Variants in KIF24 observed in about 807,000 individuals in gnomAD.
KIF24 encodes the protein kinesin-like protein KIF24.
A neutral mutation model predicts 118.9 loss-of-function variants in KIF24; 81 were observed. That is an observed-to-expected ratio of 0.68 (90% CI 0.57 to 0.82). The LOEUF is 0.82. Ranked by LOEUF, KIF24 falls within the 40% of genes least tolerant of loss-of-function variation. The pLI, the probability that KIF24 is intolerant of heterozygous loss-of-function variation, is 0.00. For missense variants in KIF24, 1,560 were observed against 1,661.6 expected, an observed-to-expected ratio of 0.94 and a Z score of 1.06; for synonymous variants, 599 against 610.0, an observed-to-expected ratio of 0.98 and a Z score of 0.27.
At chr9:34,279,138 GAAAC>G (rs1835757971) in intron 6 of KIF24, among the ~76,000 whole-genome samples, 2 of 152,204 alleles carry the variant, frequency 1.3e-5, no homozygotes, top group South Asian at 4.2e-4. Flanking sequence ...GTGGTGCTGG[GAAAC>G]ATCATTCAGG....
chr9:34,256,928 C>T lies in KIF24; in HGVS notation c.2679G>A (p.Val893=), dbSNP rs1834870297. The T allele has an allele frequency of 8.1e-6, 13 of 1,613,970 alleles. No individual in the cohort carries two copies. The highest frequency in any genetic ancestry group is 1.3e-5 in the African/African-American group (1 of 75,038). ...TGTGGTTTATGGGGTCCCTGGAGTC[C>T]ACCCAGCTTTTAGTTAGATCTTTCT... ...GDKKDLTKSW[V]DSRDPINHRR... The change falls in exon 11 of 13, where the codon GTG becomes GTA. Residue 893 remains valine, a synonymous_variant. Coordinates refer to ENST00000402558, the MANE Select transcript of KIF24 (RefSeq NM_194313.4).
rs1452250689 is a variant in KIF24, at chr9:34,316,806, T to G, written c.-25-5435A>C. 2.0e-5 allele frequency among the ~76,000 whole-genome samples: 3 copies of G among 152,320 alleles called. No homozygotes were observed. The East Asian group carries it at 5.8e-4, about 29-fold the overall frequency. On this transcript the variant is annotated intron_variant, in intron 1 of 12. Coordinates refer to ENST00000402558, the MANE Select transcript of KIF24 (RefSeq NM_194313.4). ...GTGCTTACTGGCTGGGCGCGGTGGC[T>G]CATGCCTGTAATCCCAGCACTTTGG...
At chr9:34,321,014 T>C (rs182568298) in intron 1 of KIF24, among the ~76,000 whole-genome samples, 222 of 152,276 alleles carry the variant, frequency 1.5e-3, no homozygotes, top group Middle Eastern at 6.8e-3. Context: ...TTCTTAGAAA[T>C]AGATTAACAT....
At chr9:34,330,910 G>A (rs1587986093), upstream of KIF24, among the ~76,000 whole-genome samples, 3 of 152,082 alleles carry the variant, frequency 2.0e-5, no homozygotes, top group African/African-American at 7.2e-5. Flanking sequence ...GCAGAGAGCA[G>A]AGATCGCACC....
chr9:34,326,245 G>C (rs1261632549), intron 1 of KIF24, among the ~76,000 whole-genome samples: 1 of 152,064 alleles, frequency 6.6e-6, no homozygotes, highest in Non-Finnish European at 1.5e-5. Flanking sequence ...CCAGCTACTT[G>C]GGGGGCTGAG....
At chr9:34,267,501 C>T (rs1193097486) in intron 8 of KIF24, among the ~76,000 whole-genome samples, 1 of 151,656 alleles carries the variant, frequency 6.6e-6, no homozygotes. Flanking sequence ...CAGGACTGTC[C>T]CAACAGAAAT....
At chr9:34,278,986 T>G (rs7869238) in intron 6 of KIF24, among the ~76,000 whole-genome samples, 3,506 of 152,228 alleles carry the variant, frequency 0.023, 145 homozygotes, top group African/African-American at 0.08. Context: ...ACACCTGTGG[T>G]CCTAGCTACT....
chr9:34,296,048 T>C (rs1436945950), intron 4 of KIF24, among the ~76,000 whole-genome samples: 1 of 145,588 alleles, frequency 6.9e-6, no homozygotes, highest in African/African-American at 2.5e-5. Flanking sequence ...TGAAACCCCG[T>C]CTCTACTAAA....
intron 1 of KIF24, among the ~76,000 whole-genome samples, chr9:34,320,730 T>C (rs1028366120): frequency 6.6e-6 from 1 of 150,818 alleles, no homozygotes; most frequent in South Asian, 2.1e-4. Flanking sequence ...AGATCTCCCT[T>C]GGGAAGGAGG....
chr9:34,319,489 A>T, intron 1 of KIF24: 2 of 1,289,536 alleles, frequency 1.6e-6, no homozygotes, highest in Non-Finnish European at 2.2e-6. Flanking sequence ...ACAGACGGCA[A>T]CTCCTTTGAC....
At chr9:34,330,499 A>G (rs181352193), upstream of KIF24, among the ~76,000 whole-genome samples, 103 of 149,080 alleles carry the variant, frequency 6.9e-4, 1 homozygote, top group African/African-American at 2.4e-3. Context: ...TGATGTTAGG[A>G]GTCAGGCAGA....
intron 11 of KIF24, 39 bp from the exon 12 acceptor site, chr9:34,255,204 TC>T: frequency 8.2e-7 from 1 of 1,225,568 alleles, no homozygotes; most frequent in Non-Finnish European, 1.2e-6. Context: ...CTTCCTGGCC[TC>T]CCAGCCTCTC....
At chr9:34,329,007 C>G (rs1233448892) in intron 1 of KIF24, among the ~76,000 whole-genome samples, 99 bp downstream of exon 1, 1 of 152,242 alleles carries the variant, frequency 6.6e-6, no homozygotes, top group Non-Finnish European at 1.5e-5. Context: ...CCAGTTTCCT[C>G]CCGCGCTCAG....
At chr9:34,324,511 A>G (rs1327994540) in intron 1 of KIF24, among the ~76,000 whole-genome samples, 2 of 152,126 alleles carry the variant, frequency 1.3e-5, no homozygotes, top group African/African-American at 4.8e-5. Flanking sequence ...TCAGCCCCAT[A>G]TCTTCCACCT....
At position 34,314,145 on chromosome 9, in the gene KIF24, T is replaced by C. The variant is rs537881471; in HGVS notation, c.-25-2774A>G. 7.2e-5 allele frequency among the ~76,000 whole-genome samples: 11 copies of C among 151,754 alleles called. No homozygotes were observed. In the South Asian group the frequency reaches 1.9e-3, roughly 26 times the overall value. ...TAAACATCAGAATCACTCTAGACAC[T>C]TGGGTTTTTTTGTTGTTGTTGTTTA... On this transcript the variant is annotated intron_variant, in intron 1 of 12. Transcript: ENST00000402558.
At chr9:34,292,927 C>T (rs1182819368) in intron 4 of KIF24, among the ~76,000 whole-genome samples, 2 of 152,002 alleles carry the variant, frequency 1.3e-5, no homozygotes, top group African/African-American at 4.8e-5. Context: ...AGTGAAAAAC[C>T]CTATTATACT....
intron 9 of KIF24, among the ~76,000 whole-genome samples, chr9:34,262,454 T>A (rs1835091425): frequency 6.6e-6 from 1 of 151,374 alleles, no homozygotes; most frequent in Non-Finnish European, 1.5e-5. Context: ...ATTATCCTTC[T>A]GGTTGCACAT....
chr9:34,306,223 G>C, intron 3 of KIF24, 29 bp downstream of exon 3: 1 of 1,467,342 alleles, frequency 6.8e-7, no homozygotes, highest in Non-Finnish European at 9.4e-7. Flanking sequence ...GATAATATTA[G>C]TTCCAAACAT....
At position 34,318,616 on chromosome 9, in the gene KIF24, C is replaced by T. The variant is rs1467051627; in HGVS notation, c.-25-7245G>A. The T allele has an allele frequency of 7.3e-6, 11 of 1,506,914 alleles. No homozygotes were observed. The South Asian group carries it at 8.1e-5, about 11-fold the overall frequency. The allele number at this position is 1,506,914 out of a possible 1,614,324, so 93.3% of individuals were successfully genotyped here. ...CGGTGGAGAACATCCTGGTGTCGCC[C>T]GTGGTGGTGGCCTCGTCGTTGGGGC... On this transcript the variant is annotated intron_variant, in intron 1 of 12. Transcript: ENST00000402558. The surrounding 1 kb of genome is among the most constrained non-coding windows in gnomAD (Gnocchi z 4.9).
Sources: gnomAD v4.1 joint callset for allele counts (sites outside exome capture counted in the v4.1 genomes callset) on GRCh38, gnomAD v4.1.1 for gene constraint, Gnocchi (gnomAD v3.1) non-coding constraint, MANE v1.5 for transcripts, NCBI Gene and HGNC (gene_info 2026-07-23, HGNC 2026-07-21) for gene names.